Variants in ESD observed in about 807,000 individuals in gnomAD.
ESD encodes the protein S-formylglutathione hydrolase.
ESD carries 34 observed loss-of-function variants against 38.1 expected under a neutral mutation model. The observed-to-expected ratio is 0.89, with a 90% CI of 0.68 to 1.19. The LOEUF (loss-of-function observed/expected upper bound fraction) is 1.19. Ranked by LOEUF, ESD falls within the 50% of genes most tolerant of loss-of-function variation. The pLI is 0.00. For missense variants in ESD, 334 were observed against 327.2 expected (o/e 1.02, Z -0.16); for synonymous variants, 97 against 107.0 (o/e 0.91, Z 0.58).
intron 9 of ESD, among the ~76,000 whole-genome samples, chr13:46,774,372 C>T (rs1441824201): frequency 6.6e-6 from 1 of 152,166 alleles, no homozygotes; most frequent in Non-Finnish European, 1.5e-5. Flanking sequence ...GCTGAAGTTA[C>T]ACAATTCGAG....
chr13:46,773,037 C>A (rs1029664872), intron 9 of ESD, among the ~76,000 whole-genome samples: 1 of 152,150 alleles, frequency 6.6e-6, no homozygotes, highest in Non-Finnish European at 1.5e-5. Flanking sequence ...TGGCTTCCAA[C>A]TCCATCCATG....
At chr13:46,774,755 G>C (rs1422363335) in intron 9 of ESD, among the ~76,000 whole-genome samples, 2 of 152,144 alleles carry the variant, frequency 1.3e-5, no homozygotes, top group African/African-American at 2.4e-5. Context: ...GAATCCCCAG[G>C]TTATTAAATC....
intron 1 of ESD, among the ~76,000 whole-genome samples, chr13:46,794,717 C>A (rs1875519276): frequency 1.3e-5 from 2 of 152,224 alleles, no homozygotes; most frequent in South Asian, 2.1e-4. Flanking sequence ...TCTTAACAAC[C>A]TAGACAGGTG....
At chr13:46,791,468 AAAAACTTG>A in intron 2 of ESD, 48 bp from the exon 3 acceptor site, 1 of 1,401,066 alleles carries the variant, frequency 7.1e-7, no homozygotes, top group East Asian at 2.3e-5. Context: ...TTAGTTACTG[AAAAACTTG>A]AAACAAAACT....
At chr13:46,794,575 T>C (rs1875513552) in intron 1 of ESD, among the ~76,000 whole-genome samples, 1 of 151,566 alleles carries the variant, frequency 6.6e-6, no homozygotes, top group Admixed American at 6.6e-5. Flanking sequence ...GAAATCTGAG[T>C]TCTATTTTTA....
chr13:46,794,605 C>T (rs116180738), intron 1 of ESD, among the ~76,000 whole-genome samples: 3,190 of 152,212 alleles, frequency 0.021, 108 homozygotes, highest in African/African-American at 0.071. Flanking sequence ...CCCTGTGTCT[C>T]AAGTTTTCCA....
chr13:46,794,157 C>A (rs150019885), intron 1 of ESD, among the ~76,000 whole-genome samples: 1 of 146,248 alleles, frequency 6.8e-6, no homozygotes. Flanking sequence ...CCTTCCCCTC[C>A]AAAAAACAAC....
At chr13:46,781,443 A>G in intron 7 of ESD, 53 bp downstream of exon 7, 2 of 1,469,624 alleles carry the variant, frequency 1.4e-6, no homozygotes, top group South Asian at 1.2e-5. Flanking sequence ...AAGGTTCCTA[A>G]TATTATGTTA....
At chr13:46,782,607 G>A (rs957311039) in intron 6 of ESD, 60 bp downstream of exon 6, 1 of 1,568,186 alleles carries the variant, frequency 6.4e-7, no homozygotes, top group Non-Finnish European at 8.7e-7. Context: ...TAAGGACTTT[G>A]TGTTCAAAAT....
At chr13:46,780,126 C>T (rs1874949680) in intron 7 of ESD, 93 bp from the exon 8 acceptor site, 1 of 773,092 alleles carries the variant, frequency 1.3e-6, no homozygotes, top group Admixed American at 3.1e-5. Context: ...ATAGAAGTTA[C>T]TTGCAACTTG....
intron 7 of ESD, among the ~76,000 whole-genome samples, 200 bp downstream of exon 7, chr13:46,781,296 T>C (rs1432508884): frequency 6.6e-6 from 1 of 151,782 alleles, no homozygotes; most frequent in East Asian, 1.9e-4. Context: ...AAAGCACTCT[T>C]GCTGAATTCC....
intron 1 of ESD, among the ~76,000 whole-genome samples, chr13:46,795,611 A>C (rs960997840): frequency 4.6e-5 from 7 of 152,234 alleles, no homozygotes; most frequent in African/African-American, 1.7e-4. Flanking sequence ...AGACCATGTT[A>C]ATTGTACAAT....
Position 46,785,025 on chromosome 13 carries a change from CT to C in ESD, c.158-676del, listed in dbSNP as rs892121089. The stretch of plus-strand genomic sequence containing the variant: ...TACTATGGTCTTCATAATACAAATA[CT>C]TTTTTTTACATACAGATAGTTCTCA... On this transcript the variant is annotated intron_variant, in intron 4 of 9. Transcript: ENST00000378720. Among the ~76,000 whole-genome samples the C allele has an allele frequency of 1.1e-3, 163 of 151,948 alleles. 1 individual carries two copies. Among genetic ancestry groups the C allele is most frequent in the African/African-American group, 3.9e-3 (162 of 41,502 alleles).
At position 46,793,445 on chromosome 13, in the gene ESD, C is replaced by T. The variant is rs1319827386; in HGVS notation, c.-55-1G>A. 1 of 152,466 alleles carries T rather than the reference C, an allele frequency of 6.6e-6. No individual in the cohort carries two copies. Among genetic ancestry groups the T allele is most frequent in the Non-Finnish European group, 1.5e-5 (1 of 67,960 alleles). 9.4% of individuals were successfully genotyped at this position (152,466 alleles called of 1,614,324 possible). A position where few individuals can be genotyped will look rare whatever the true frequency, so the allele number is the denominator to read the frequency against. ...TGCTTGCACCAAATGGTAGGCGATT[C>T]TGAAAAAAACACCAATGGTTTACAA... is the stretch of plus-strand genomic sequence containing the variant. On this transcript the variant is annotated splice_acceptor_variant, in intron 1 of 9. Coordinates refer to ENST00000378720, the MANE Select transcript of ESD (RefSeq NM_001984.2). LOFTEE classifies it low-confidence loss of function (5UTR_SPLICE).
chr13:46,787,123 A>T lies in ESD; in HGVS notation c.69-14T>A. 3.4e-6 allele frequency: 5 copies of T among 1,461,312 alleles called. No homozygotes were observed. The highest frequency in any genetic ancestry group is 4.7e-6 in the Non-Finnish European group (5 of 1,068,074). 90.5% of individuals were successfully genotyped at this position (1,461,312 alleles called of 1,614,324 possible). On this transcript the variant is annotated splice_polypyrimidine_tract_variant and intron_variant, in intron 3 of 9. Transcript: ENST00000378720. ...TTTAGTTCAACACTAGTTTTAACAAAAACAACAACAAAATATTAATGCCCC... is the reference window on the plus strand; with the variant it reads ...TTTAGTTCAACACTAGTTTTAACAATAACAACAACAAAATATTAATGCCCC...
chr13:46,781,661 G>A, intron 6 of ESD, 46 bp from the exon 7 acceptor site: 1 of 1,542,682 alleles, frequency 6.5e-7, no homozygotes, highest in Non-Finnish European at 8.9e-7. Flanking sequence ...AAGAAAATAA[G>A]TTCAGACATT....
At chr13:46,796,796 GTCTT>G (rs1593414096) in intron 1 of ESD, among the ~76,000 whole-genome samples, 1 of 152,248 alleles carries the variant, frequency 6.6e-6, no homozygotes, top group African/African-American at 2.4e-5. Context: ...GTCTAGGAAA[GTCTT>G]TCTGAACAGG....
In ESD at chr13:46,797,154, C is replaced by T. The variant is rs1186539347; in HGVS notation, c.-105G>A. On this transcript the variant is annotated 5_prime_UTR_variant, in exon 1 of 10. Coordinates refer to ENST00000378720, the MANE Select transcript of ESD (RefSeq NM_001984.2). Reference sequence around the variant, plus strand: ...AAGCGGGCCGAAGTAAAAGGCGGGGCTCAAGATGGCCGCCGGGGCCTCGCC... The same window carrying T: ...AAGCGGGCCGAAGTAAAAGGCGGGGTTCAAGATGGCCGCCGGGGCCTCGCC... 3.3e-5 allele frequency: 5 copies of T among 152,422 alleles called. No individual in the cohort carries two copies. The highest frequency in any genetic ancestry group is 7.2e-5 in the African/African-American group (3 of 41,472). The allele number at this position is 152,422 out of a possible 1,614,324, so 9.4% of individuals were successfully genotyped here.
intron 1 of ESD, among the ~76,000 whole-genome samples, chr13:46,796,821 A>T (rs958430420): frequency 3.3e-5 from 5 of 152,250 alleles, no homozygotes; most frequent in Admixed American, 3.3e-4. Flanking sequence ...AAAAAGCTGT[A>T]CAAATGTAGC....
Sources: gnomAD v4.1 joint callset for allele counts (sites outside exome capture counted in the v4.1 genomes callset) on GRCh38, gnomAD v4.1.1 for gene constraint, MANE v1.5 for transcripts, NCBI Gene and HGNC (gene_info 2026-07-23, HGNC 2026-07-21) for gene names.